The following PGM2L1 variants were observed in gnomAD, a reference collection of about 807,000 sequenced individuals.
The protein encoded by PGM2L1 is phosphoglucomutase 2 like 1, also known as glucose 1,6-bisphosphate synthase.
Under a neutral mutation model 73.4 loss-of-function variants are expected in PGM2L1, and 35 were observed. That is an observed-to-expected ratio of 0.48 (90% confidence interval 0.36 to 0.63). The LOEUF (loss-of-function observed/expected upper bound fraction) is 0.63. PGM2L1 is among the 30% of genes least tolerant of loss of function. The pLI is 0.00. For synonymous variants in PGM2L1, 225 were observed against 253.8 expected, an observed-to-expected ratio of 0.89 and a Z score of 1.08; for missense variants, 570 against 742.0, an observed-to-expected ratio of 0.77 and a Z score of 2.69.
intron 1 of PGM2L1, among the ~76,000 whole-genome samples, chr11:74,380,664 A>C (rs1862929191): frequency 6.6e-6 from 1 of 152,168 alleles, no homozygotes; most frequent in African/African-American, 2.4e-5. Context: ...GTTTCAAAAA[A>C]ACCTATCTTT....
chr11:74,376,393 A>G (rs940035941), intron 1 of PGM2L1, among the ~76,000 whole-genome samples: 8 of 151,992 alleles, frequency 5.3e-5, no homozygotes, highest in African/African-American at 1.9e-4. Flanking sequence ...GCTTCTGATA[A>G]CAATTTAACT....
intron 5 of PGM2L1, among the ~76,000 whole-genome samples, chr11:74,364,651 T>C (rs1179112618): frequency 6.6e-6 from 1 of 152,080 alleles, no homozygotes; most frequent in Non-Finnish European, 1.5e-5. Context: ...GGAATCCAAC[T>C]TACAAGTGAT....
At chr11:74,363,906 CAAAA>C (rs1011807616) in intron 5 of PGM2L1, among the ~76,000 whole-genome samples, 1 of 150,580 alleles carries the variant, frequency 6.6e-6, no homozygotes, top group Non-Finnish European at 1.5e-5. Context: ...AGAGACACAA[CAAAA>C]AAAAAGAGAA....
At chr11:74,364,526 C>A (rs900398582) in intron 5 of PGM2L1, among the ~76,000 whole-genome samples, 2 of 152,188 alleles carry the variant, frequency 1.3e-5, no homozygotes, top group African/African-American at 2.4e-5. Context: ...TCTCAGGATA[C>A]AAAATCAATG....
At chr11:74,390,542 G>C (rs1863085300) in intron 1 of PGM2L1, among the ~76,000 whole-genome samples, 1 of 152,166 alleles carries the variant, frequency 6.6e-6, no homozygotes, top group African/African-American at 2.4e-5. Flanking sequence ...AGAAATAAAA[G>C]TATAAAGATT....
chr11:74,397,626 A>G (rs1863196580), intron 1 of PGM2L1: 1 of 155,032 alleles, frequency 6.5e-6, no homozygotes, highest in Non-Finnish European at 1.4e-5. Context: ...TAAAGCGGAT[A>G]GCGGTTAGAA....
rs531569604 is a variant in PGM2L1, at chr11:74,374,796, A to C, written c.112-214T>G. ...GTTGAGGGTGATTTATATATCTTTT[A>C]ATTTTATAGTATTTGTATAGCATAT... is the stretch of plus-strand genomic sequence containing the variant. On this transcript the variant is annotated intron_variant, in intron 1 of 13. Transcript: ENST00000298198. Among the ~76,000 whole-genome samples the C allele has an allele frequency of 1.8e-4, 28 of 152,314 alleles. No homozygotes were observed. The South Asian group carries it at 5.2e-3, about 28-fold the overall frequency.
intron 5 of PGM2L1, among the ~76,000 whole-genome samples, chr11:74,353,875 C>T (rs1025433481): frequency 2.0e-5 from 3 of 148,152 alleles, no homozygotes; most frequent in East Asian, 2.0e-4. Flanking sequence ...GGGTGGCTGC[C>T]GGGCGGGGGC....
At chr11:74,380,230 G>C (rs1862918116) in intron 1 of PGM2L1, among the ~76,000 whole-genome samples, 2 of 152,090 alleles carry the variant, frequency 1.3e-5, no homozygotes, top group South Asian at 4.1e-4. Flanking sequence ...AATCTGAAAG[G>C]TAAACACAGC....
chr11:74,396,960 C>T (rs1396202472), intron 1 of PGM2L1, among the ~76,000 whole-genome samples: 2 of 152,226 alleles, frequency 1.3e-5, no homozygotes, highest in Non-Finnish European at 1.5e-5. Context: ...GGAACCCTTT[C>T]TATTTTCCTC....
chr11:74,389,968 A>AAAAAAAAAAAAT (rs1863072163), intron 1 of PGM2L1, among the ~76,000 whole-genome samples: 14 of 137,118 alleles, frequency 1.0e-4, no homozygotes, highest in Admixed American at 1.0e-3. Context: ...AAAAAAAAAA[A>AAAAAAAAAAAAT]ATTAGCCAGG....
chr11:74,349,627 G>A (rs543350116), intron 6 of PGM2L1, among the ~76,000 whole-genome samples: 1 of 152,238 alleles, frequency 6.6e-6, no homozygotes, highest in South Asian at 2.1e-4. Context: ...ACCACAGTCT[G>A]GGCTTTAGGG....
rs751446447 is a variant in PGM2L1, at chr11:74,336,634, T to C, written c.*18A>G. Reference sequence around the variant, plus strand: ...TGTTCCATATGCCCACACAGTGTCATGACATATTGGTGTACCCCTAAACAG... The same window carrying C: ...TGTTCCATATGCCCACACAGTGTCACGACATATTGGTGTACCCCTAAACAG... On this transcript the variant is annotated 3_prime_UTR_variant, in exon 14 of 14. Transcript: ENST00000298198. 5.8e-6 allele frequency: 9 copies of C among 1,544,198 alleles called. No individual in the cohort carries two copies. The highest frequency in any genetic ancestry group is 8.0e-6 in the Non-Finnish European group (9 of 1,126,374).
chr11:74,374,397 A>G lies in PGM2L1; in HGVS notation c.279+18T>C, dbSNP rs771672537. On this transcript the variant is annotated intron_variant, in intron 2 of 13. Transcript: ENST00000298198. ...ATGTCCAGTCAAAAGTACACTCTTA[A>G]TACTTTATAATACTTACCTGTGTTG... 67 of 1,587,866 alleles carry G rather than the reference A, an allele frequency of 4.2e-5. No individual in the cohort carries two copies. Among genetic ancestry groups the G allele is most frequent in the Non-Finnish European group, 5.8e-5 (67 of 1,162,344 alleles).
intron 5 of PGM2L1, among the ~76,000 whole-genome samples, chr11:74,352,370 C>T (rs993887609): frequency 1.3e-5 from 2 of 151,952 alleles, no homozygotes; most frequent in East Asian, 1.9e-4. Flanking sequence ...TATATCATAC[C>T]AAATATAGTT....
rs368643686 is a variant in PGM2L1 at position 74,398,176 on chromosome 11, C to G, written c.-15G>C. 1.4e-5 allele frequency: 23 copies of G among 1,601,594 alleles called. No homozygotes were observed. Among genetic ancestry groups the G allele is most frequent in the Non-Finnish European group, 1.7e-5 (20 of 1,173,326 alleles). ...TTTTCAGCCATGGCGACCAGACAGG[C>G]GTACGGGCCGGGGGCCGGCGAAGAC... On this transcript the variant is annotated 5_prime_UTR_variant, in exon 1 of 14. Coordinates refer to ENST00000298198, the MANE Select transcript of PGM2L1 (RefSeq NM_173582.6).
intron 6 of PGM2L1, among the ~76,000 whole-genome samples, 199 bp downstream of exon 6, chr11:74,351,184 T>C (rs2134896287): frequency 6.6e-6 from 1 of 152,378 alleles, no homozygotes; most frequent in African/African-American, 2.4e-5. Flanking sequence ...TAATATTTCA[T>C]TGTATGGATA....
rs187850177 is a variant in PGM2L1, at chr11:74,361,148, C to A, written c.555+7344G>T. Among the ~76,000 whole-genome samples the A allele has an allele frequency of 4.7e-3, 709 of 152,290 alleles. 7 individuals are homozygous for A. The highest frequency in any genetic ancestry group is 0.016 in the African/African-American group (671 of 41,570). On this transcript the variant is annotated intron_variant, in intron 5 of 13. Coordinates refer to ENST00000298198, the MANE Select transcript of PGM2L1 (RefSeq NM_173582.6). The stretch of plus-strand genomic sequence containing the variant: ...AGTAGTGCAACTGGGAGGCACCCCC[C>A]AGTAGGGGCAGACTGACACCTCACA...
At chr11:74,377,283 G>A (rs527321) in intron 1 of PGM2L1, among the ~76,000 whole-genome samples, 3 of 151,818 alleles carry the variant, frequency 2.0e-5, no homozygotes, top group African/African-American at 2.4e-5. Flanking sequence ...ACAGGCGCCC[G>A]CCACCACGCC....
Sources: gnomAD v4.1 joint callset for allele counts (sites outside exome capture counted in the v4.1 genomes callset) on GRCh38, gnomAD v4.1.1 for gene constraint, MANE v1.5 for transcripts, NCBI Gene and HGNC (gene_info 2026-07-23, HGNC 2026-07-21) for gene names.